The following PCDH15 variants were observed in gnomAD, a reference collection of about 807,000 sequenced individuals.
The protein encoded by PCDH15 is protocadherin-15.
Under a neutral mutation model 178.5 loss-of-function variants are expected in PCDH15, and 129 were observed. That is an observed-to-expected ratio of 0.72 (90% confidence interval 0.63 to 0.84). The LOEUF is 0.84. Among genes scored for constraint, PCDH15 ranks in the 40% least tolerant of loss-of-function variants. The pLI, the probability that PCDH15 is intolerant of heterozygous loss-of-function variation, is 0.00. For synonymous variants in PCDH15, 800 were observed against 732.0 expected, an observed-to-expected ratio of 1.09 and a Z score of -1.50; for missense variants, 2,230 against 2,099.9, an observed-to-expected ratio of 1.06 and a Z score of -1.21.
chr10:55,094,525 A>G (rs779030745), intron 2 of PCDH15, among the ~76,000 whole-genome samples: 9 of 152,132 alleles, frequency 5.9e-5, no homozygotes, highest in Non-Finnish European at 1.2e-4. Context: ...CATGTACCCT[A>G]GAACTTAAAG....
At chr10:55,311,512 G>T (rs989965452) in intron 1 of PCDH15, among the ~76,000 whole-genome samples, 16 of 152,176 alleles carry the variant, frequency 1.1e-4, no homozygotes, top group African/African-American at 3.4e-4. Context: ...TTTACCGAAG[G>T]TATTTAACCA....
chr10:55,201,175 T>C (rs1266063137), intron 1 of PCDH15, among the ~76,000 whole-genome samples: 1 of 152,086 alleles, frequency 6.6e-6, no homozygotes, highest in African/African-American at 2.4e-5. Flanking sequence ...GCTACACTGA[T>C]AGAATATAAG....
chr10:55,146,605 T>G (rs1021277265), intron 2 of PCDH15, among the ~76,000 whole-genome samples: 3 of 151,906 alleles, frequency 2.0e-5, no homozygotes, highest in African/African-American at 7.2e-5. Flanking sequence ...AGTGTTGTAT[T>G]AAGTTATACA....
intron 2 of PCDH15, among the ~76,000 whole-genome samples, chr10:55,543,331 T>G (rs1032741998): frequency 6.7e-6 from 1 of 150,030 alleles, no homozygotes; most frequent in Non-Finnish European, 1.5e-5. Flanking sequence ...TTCCCACTTT[T>G]TCTACCTTAG....
At position 55,166,652 on chromosome 10, in the gene PCDH15, C is replaced by G. The variant is rs1839204728; in HGVS notation, c.-155-1G>C. The G allele has an allele frequency of 6.6e-6, 1 of 152,070 alleles. No individual in the cohort carries two copies. 9.4% of individuals were successfully genotyped at this position (152,070 alleles called of 1,614,324 possible). On this transcript the variant is annotated splice_acceptor_variant, in intron 1 of 5. Transcript: ENST00000458638. LOFTEE classifies it low-confidence loss of function (5UTR_SPLICE). ...TCTAGGGAATGATGTTTCCATTTTC[C>G]TGTAGAATAGAGTTATTGATCAATA...
intron 2 of PCDH15, among the ~76,000 whole-genome samples, chr10:55,554,571 C>T (rs1182901775): frequency 2.0e-5 from 3 of 151,914 alleles, no homozygotes; most frequent in African/African-American, 4.8e-5. Context: ...TAATCAAACA[C>T]GGATCGAAAA....
intron 8 of PCDH15, among the ~76,000 whole-genome samples, chr10:54,295,850 A>C (rs974313395): frequency 6.6e-6 from 1 of 152,086 alleles, no homozygotes; most frequent in African/African-American, 2.4e-5. Context: ...TCGGTCAGTT[A>C]AAAGTGGTTG....
chr10:54,887,412 A>G (rs529515362), intron 3 of PCDH15, among the ~76,000 whole-genome samples: 30 of 152,262 alleles, frequency 2.0e-4, no homozygotes, highest in African/African-American at 6.5e-4. Context: ...GAAGTTTATG[A>G]GTTGAGATTC....
chr10:54,759,833 G>T (rs1372309644), intron 1 of PCDH15, among the ~76,000 whole-genome samples: 1 of 152,120 alleles, frequency 6.6e-6, no homozygotes, highest in Non-Finnish European at 1.5e-5. Flanking sequence ...ACTTTTTGAG[G>T]TAATGGGTGC....
intron 8 of PCDH15, among the ~76,000 whole-genome samples, chr10:54,244,702 C>T (rs900652786): frequency 1.3e-5 from 2 of 152,110 alleles, no homozygotes; most frequent in African/African-American, 4.8e-5. Flanking sequence ...ATTCTGGTTC[C>T]TACTTCTCAC....
At chr10:54,362,946 T>A (rs1946278863) in intron 5 of PCDH15, among the ~76,000 whole-genome samples, 1 of 152,114 alleles carries the variant, frequency 6.6e-6, no homozygotes, top group Non-Finnish European at 1.5e-5. Context: ...TCTGGAAAGG[T>A]TATACTCGTT....
At chr10:54,163,149 C>T (rs1358333084) in intron 13 of PCDH15, among the ~76,000 whole-genome samples, 1 of 152,088 alleles carries the variant, frequency 6.6e-6, no homozygotes, top group Non-Finnish European at 1.5e-5. Context: ...CTACAAGCTT[C>T]TGGGAGAAAC....
intron 2 of PCDH15, among the ~76,000 whole-genome samples, chr10:55,143,150 T>C (rs1400558993): frequency 6.6e-6 from 1 of 152,102 alleles, no homozygotes; most frequent in African/African-American, 2.4e-5. Context: ...TCTGCCACGA[T>C]TGTAAGTTTC....
intron 2 of PCDH15, among the ~76,000 whole-genome samples, chr10:55,517,990 AAAT>A (rs1841061102): frequency 6.6e-6 from 1 of 152,268 alleles, no homozygotes; most frequent in Non-Finnish European, 1.5e-5. Flanking sequence ...AACTCTCCTT[AAAT>A]ATCACCTGAG....
chr10:53,992,719 C>G (rs1415874792), intron 21 of PCDH15, among the ~76,000 whole-genome samples: 3 of 152,100 alleles, frequency 2.0e-5, no homozygotes, highest in Non-Finnish European at 4.4e-5. Context: ...AAACGGTTAG[C>G]CATTTTTAAT....
chr10:54,784,618 C>A (rs908188069), intron 1 of PCDH15, among the ~76,000 whole-genome samples: 1 of 149,534 alleles, frequency 6.7e-6, no homozygotes, highest in Non-Finnish European at 1.5e-5. Context: ...GGGAGTCCAA[C>A]ATCTGGAAGC....
At chr10:54,286,299 C>G (rs1183093438) in intron 8 of PCDH15, among the ~76,000 whole-genome samples, 1 of 152,102 alleles carries the variant, frequency 6.6e-6, no homozygotes, top group East Asian at 1.9e-4. Context: ...TAGGAAACAT[C>G]ACACTATACC....
At chr10:53,961,730 C>T in intron 22 of PCDH15, 22 bp downstream of exon 22, 1 of 1,583,858 alleles carries the variant, frequency 6.3e-7, no homozygotes, top group Non-Finnish European at 8.6e-7. Context: ...AAATAGACCA[C>T]ATAATGAAAA....
intron 6 of PCDH15, among the ~76,000 whole-genome samples, chr10:54,332,653 G>T (rs1234826040): frequency 6.6e-6 from 1 of 151,402 alleles, no homozygotes; most frequent in Non-Finnish European, 1.5e-5. Context: ...ACACTTATTT[G>T]GGATCTTCTG....
Sources: gnomAD v4.1 joint callset for allele counts (sites outside exome capture counted in the v4.1 genomes callset) on GRCh38, gnomAD v4.1.1 for gene constraint, MANE v1.5 for transcripts, NCBI Gene and HGNC (gene_info 2026-07-23, HGNC 2026-07-21) for gene names.